The following EFHC2 variants were observed in gnomAD, a reference collection of about 807,000 sequenced individuals.
EFHC2 encodes the protein EF-hand domain-containing family member C2.
In EFHC2, 18 loss-of-function variants were observed where a neutral mutation model predicts 52.7. The ratio of observed to expected loss-of-function variants is 0.34; its 90% CI spans 0.24 to 0.51. The LOEUF (loss-of-function observed/expected upper bound fraction) is 0.51, where lower values mean the gene tolerates loss of function less well. Ranked by LOEUF, EFHC2 falls within the 20% of genes least tolerant of loss-of-function variation. EFHC2 has a pLI of 0.97. For synonymous variants in EFHC2, 203 were observed against 204.1 expected, an observed-to-expected ratio of 0.99 and a Z score of 0.04; for missense variants, 513 against 562.5, an observed-to-expected ratio of 0.91 and a Z score of 0.89.
intron 2 of EFHC2, among the ~76,000 whole-genome samples, chrX:44,283,687 T>C (rs1487580170): frequency 2.0e-5 from 2 of 98,845 alleles, no homozygotes; most frequent in Non-Finnish European, 4.1e-5. Context: ...TTTTTTTTTT[T>C]TTTTTTTTAC....
intron 8 of EFHC2, among the ~76,000 whole-genome samples, chrX:44,236,491 C>T (rs2147325835): frequency 8.9e-6 from 1 of 112,720 alleles, no homozygotes; most frequent in Admixed American, 9.3e-5. Context: ...GTCTCCTATA[C>T]TGAAAATCAT....
At chrX:44,225,250 TA>T (rs200993815) in intron 11 of EFHC2, among the ~76,000 whole-genome samples, 90 of 95,277 alleles carry the variant, frequency 9.4e-4, no homozygotes, top group East Asian at 4.9e-3. Context: ...ATAAAAAAAT[TA>T]AAAAAAAAAA....
At chrX:44,310,294 CT>C in intron 2 of EFHC2, 1 of 892,466 alleles carries the variant, frequency 1.1e-6, no homozygotes, top group Non-Finnish European at 1.6e-6. Context: ...GGGGCAGCTG[CT>C]TTAGTTTTCG....
intron 3 of EFHC2, among the ~76,000 whole-genome samples, chrX:44,263,579 C>T (rs986670404): frequency 1.8e-5 from 2 of 111,887 alleles, no homozygotes; most frequent in African/African-American, 6.5e-5. Context: ...TACAATTTTA[C>T]TGTGAAAAAA....
At chrX:44,268,400 T>C (rs2037593118) in intron 3 of EFHC2, among the ~76,000 whole-genome samples, 1 of 111,745 alleles carries the variant, frequency 8.9e-6, no homozygotes, top group Non-Finnish European at 1.9e-5. Flanking sequence ...TCTTCTTGGA[T>C]AGTTTAATAA....
At chrX:44,313,302 T>C (rs1211785425) in intron 1 of EFHC2, among the ~76,000 whole-genome samples, 2 of 111,758 alleles carry the variant, frequency 1.8e-5, no homozygotes, top group African/African-American at 6.5e-5. Flanking sequence ...CCACCTTTTC[T>C]GGTGATCTGG....
At chrX:44,201,666 C>G (rs2037007174) in intron 11 of EFHC2, among the ~76,000 whole-genome samples, 1 of 111,216 alleles carries the variant, frequency 9.0e-6, no homozygotes, top group Admixed American at 9.5e-5. Flanking sequence ...CATTAAAAAT[C>G]TACCCACTGA....
At chrX:44,332,103 A>C (rs2038090575) in intron 1 of EFHC2, among the ~76,000 whole-genome samples, 1 of 110,507 alleles carries the variant, frequency 9.0e-6, no homozygotes, top group Non-Finnish European at 1.9e-5. Flanking sequence ...AGTCACTAGG[A>C]GAGGCTCTAC....
At chrX:44,174,339 A>G (rs761614541) in intron 13 of EFHC2, among the ~76,000 whole-genome samples, 106 of 111,084 alleles carry the variant, frequency 9.5e-4, no homozygotes, top group African/African-American at 3.4e-3. Context: ...TAAAATTGTC[A>G]GGATGTGACA....
At chrX:44,256,282 A>T (rs781374699) in intron 4 of EFHC2, among the ~76,000 whole-genome samples, 9 of 111,846 alleles carry the variant, frequency 8.0e-5, no homozygotes, top group African/African-American at 2.6e-4. Context: ...GCAAAAAATA[A>T]CTAAGATCAG....
At chrX:44,307,976 G>A (rs1317893224) in intron 2 of EFHC2, among the ~76,000 whole-genome samples, 2 of 110,861 alleles carry the variant, frequency 1.8e-5, no homozygotes, top group African/African-American at 6.6e-5. Flanking sequence ...ATTAATATTT[G>A]AATGGAAACT....
chrX:44,255,095 G>A (rs1419745122), intron 4 of EFHC2, among the ~76,000 whole-genome samples: 1 of 112,161 alleles, frequency 8.9e-6, no homozygotes, highest in Admixed American at 9.4e-5. Context: ...TCATCACCAG[G>A]CCTGCCTTAC....
intron 1 of EFHC2, among the ~76,000 whole-genome samples, chrX:44,338,593 G>A (rs2038131203): frequency 9.1e-6 from 1 of 109,640 alleles, no homozygotes; most frequent in South Asian, 3.9e-4. Flanking sequence ...ATATTTTAGT[G>A]CAGGCCAGTT....
intron 4 of EFHC2, 118 bp from the exon 5 acceptor site, chrX:44,250,563 G>T: frequency 1.1e-6 from 1 of 870,207 alleles, no homozygotes; most frequent in Non-Finnish European, 1.5e-6. Context: ...GGTGGCTGAT[G>T]CCTGTAATCC....
At chrX:44,320,176 C>G in intron 1 of EFHC2, among the ~76,000 whole-genome samples, 1 of 112,044 alleles carries the variant, frequency 8.9e-6, no homozygotes, top group East Asian at 2.8e-4. Context: ...CTCCCAGCCT[C>G]AGGTGATCCA....
chrX:44,154,005 T>C (rs1176173222), intron 14 of EFHC2, among the ~76,000 whole-genome samples: 1 of 112,768 alleles, frequency 8.9e-6, no homozygotes, highest in Non-Finnish European at 1.9e-5. Flanking sequence ...TCCACAGAAG[T>C]TGATCCCACC....
At position 44,190,130 on chromosome X, in the gene EFHC2, A is replaced by G. The variant is rs189777174; in HGVS notation, c.1752-11566T>C. On this transcript the variant is annotated intron_variant, in intron 11 of 14. Coordinates refer to ENST00000420999, the MANE Select transcript of EFHC2 (RefSeq NM_025184.4). ...CTTATTGGTCCTTTCCTTTCAGCAT[A>G]TAGAATGTTCATGTCTCTCTCAACT... is the stretch of plus-strand genomic sequence containing the variant. Among the ~76,000 whole-genome samples, 584 of 111,137 alleles carry G rather than the reference A, an allele frequency of 5.3e-3. 2 individuals are homozygous for G. The highest frequency in any genetic ancestry group is 0.018 in the African/African-American group (551 of 30,512).
chrX:44,157,171 G>C (rs2036613276), intron 14 of EFHC2, among the ~76,000 whole-genome samples: 1 of 112,162 alleles, frequency 8.9e-6, no homozygotes, highest in Non-Finnish European at 1.9e-5. Flanking sequence ...AATTCTCCTT[G>C]TTTGTTGTTG....
intron 2 of EFHC2, among the ~76,000 whole-genome samples, chrX:44,288,250 T>C (rs2037767354): frequency 9.0e-6 from 1 of 111,083 alleles, no homozygotes; most frequent in Admixed American, 9.6e-5. Context: ...AGCATTCATA[T>C]AGACAAAAAT....
Sources: gnomAD v4.1 joint callset for allele counts (sites outside exome capture counted in the v4.1 genomes callset) on GRCh38, gnomAD v4.1.1 for gene constraint, MANE v1.5 for transcripts, NCBI Gene and HGNC (gene_info 2026-07-23, HGNC 2026-07-21) for gene names.